The following CSRNP3 variants were observed in gnomAD, a reference collection of about 807,000 sequenced individuals.
The protein encoded by CSRNP3 is cysteine and serine rich nuclear protein 3, also known as cysteine/serine-rich nuclear protein 3.
CSRNP3 carries 12 observed loss-of-function variants against 48.0 expected under a neutral mutation model. That is an observed-to-expected ratio of 0.25 (90% confidence interval 0.16 to 0.41). The LOEUF (loss-of-function observed/expected upper bound fraction) is 0.41, where lower values mean the gene tolerates loss of function less well. Ranked by LOEUF, CSRNP3 falls within the 10% of genes least tolerant of loss-of-function variation. CSRNP3 has a pLI of 1.00. For missense variants in CSRNP3, 580 were observed against 724.4 expected, an observed-to-expected ratio of 0.80 and a Z score of 2.29; for synonymous variants, 263 against 269.7, an observed-to-expected ratio of 0.98 and a Z score of 0.24.
intron 6 of CSRNP3, 94 bp from the exon 7 acceptor site, chr2:165,678,607 G>A (rs1687468349): frequency 5.0e-6 from 7 of 1,411,024 alleles, no homozygotes; most frequent in Non-Finnish European, 6.7e-6. Flanking sequence ...TTAAGTGGAT[G>A]GATTACTTAA....
At chr2:165,646,793 C>A (rs1425998181) in intron 4 of CSRNP3, among the ~76,000 whole-genome samples, 1 of 152,042 alleles carries the variant, frequency 6.6e-6, no homozygotes, top group Non-Finnish European at 1.5e-5. Flanking sequence ...CCTTGGACTG[C>A]AGCCAGAACT....
At position 165,518,596 on chromosome 2, in the gene CSRNP3, T is replaced by A. The variant is rs368123666; in HGVS notation, c.-24+635T>A. ...ATAATAACAAATTAATGTACAATAT[T>A]CATTTAGAAGTTATAAATGTAGGTT... On this transcript the variant is annotated intron_variant, in intron 3 of 6. Transcript: ENST00000651982. Among the ~76,000 whole-genome samples the A allele has an allele frequency of 1.7e-4, 26 of 152,118 alleles. 1 individual carries two copies. In the East Asian group the frequency reaches 4.8e-3, roughly 28 times the overall value.
intron 4 of CSRNP3, among the ~76,000 whole-genome samples, chr2:165,636,562 A>C (rs1170884416): frequency 6.6e-6 from 1 of 152,204 alleles, no homozygotes; most frequent in Admixed American, 6.5e-5. Flanking sequence ...GGAACAAGTA[A>C]TCATTATTGC....
At chr2:165,548,652 G>A (rs972299547) in intron 3 of CSRNP3, among the ~76,000 whole-genome samples, 1 of 151,918 alleles carries the variant, frequency 6.6e-6, no homozygotes, top group African/African-American at 2.4e-5. Flanking sequence ...TCAAACAAAA[G>A]GAGTCTAAAT....
At position 165,677,415 on chromosome 2, in the gene CSRNP3, T is replaced by TG. The variant is rs562249555; in HGVS notation, c.705+809dup. ...GATGACTGGCAATCAGATAATTTCC[T>TG]GGTCCCCCTTCATTTATAATGTCAT... On this transcript the variant is annotated intron_variant, in intron 6 of 6. Transcript: ENST00000651982. Among the ~76,000 whole-genome samples, 511 of 152,316 alleles carry TG rather than the reference T, an allele frequency of 3.4e-3. 2 individuals are homozygous for TG. The highest frequency in any genetic ancestry group is 0.02 in the South Asian group (98 of 4,830).
intron 4 of CSRNP3, among the ~76,000 whole-genome samples, chr2:165,628,555 C>T (rs564017201): frequency 1.3e-5 from 2 of 152,150 alleles, no homozygotes; most frequent in South Asian, 4.2e-4. Context: ...GAAACCCCGT[C>T]TCTACTAAAA....
chr2:165,655,262 G>A (rs1411633089), intron 4 of CSRNP3, among the ~76,000 whole-genome samples: 2 of 152,154 alleles, frequency 1.3e-5, no homozygotes, highest in Non-Finnish European at 1.5e-5. Flanking sequence ...CCCTTAGTGT[G>A]GCCTCAGCTG....
At chr2:165,487,743 G>A (rs1471790912) in intron 1 of CSRNP3, among the ~76,000 whole-genome samples, 8 of 150,096 alleles carry the variant, frequency 5.3e-5, no homozygotes, top group Non-Finnish European at 8.8e-5. Context: ...ACAAGCAAAT[G>A]CTGAGAGATT....
chr2:165,676,718 T>G, intron 6 of CSRNP3, 110 bp downstream of exon 6: 1 of 904,218 alleles, frequency 1.1e-6, no homozygotes, highest in Non-Finnish European at 1.7e-6. Context: ...AGAAAATTTT[T>G]TGGCAAGGCA....
rs1384306710 is a variant in CSRNP3 at position 165,679,779 on chromosome 2, T to G, written c.*26T>G. The G allele has an allele frequency of 6.3e-7, 1 of 1,588,680 alleles. No individual in the cohort carries two copies. The highest frequency in any genetic ancestry group is 8.6e-7 in the Non-Finnish European group (1 of 1,165,918). On this transcript the variant is annotated 3_prime_UTR_variant, in exon 7 of 7. Transcript: ENST00000651982. The stretch of plus-strand genomic sequence containing the variant: ...TAGCTTAAATTATTCTAGGACCAAC[T>G]CTTCTCTTATTTAAGGCACTGTATT...
intron 3 of CSRNP3, among the ~76,000 whole-genome samples, chr2:165,544,088 G>T (rs1490576433): frequency 6.6e-6 from 1 of 151,926 alleles, no homozygotes; most frequent in Non-Finnish European, 1.5e-5. Context: ...GTTAGAAAGT[G>T]ATATGGAATA....
At position 165,679,965 on chromosome 2, in the gene CSRNP3, G is replaced by C. The variant is rs754493106; in HGVS notation, c.*212G>C. 200 of 654,876 alleles carry C rather than the reference G, an allele frequency of 3.1e-4. No individual in the cohort carries two copies. Among genetic ancestry groups the C allele is most frequent in the Middle Eastern group, 8.6e-4 (2 of 2,338 alleles). The allele number at this position is 654,876 out of a possible 1,614,324, so 40.6% of individuals were successfully genotyped here. A position where few individuals can be genotyped will look rare whatever the true frequency, so the allele number is the denominator to read the frequency against. On this transcript the variant is annotated 3_prime_UTR_variant, in exon 7 of 7. Transcript: ENST00000651982. ...TAGGGATTTTAAAAGATTTCAGACT[G>C]TTTTGATAGAAAAAGCTAAATTTTA... is the stretch of plus-strand genomic sequence containing the variant.
At chr2:165,580,156 C>T (rs1685519624) in intron 3 of CSRNP3, among the ~76,000 whole-genome samples, 1 of 152,040 alleles carries the variant, frequency 6.6e-6, no homozygotes, top group African/African-American at 2.4e-5. Flanking sequence ...TCTCGATCTC[C>T]TGACCTCGTG....
At position 165,541,301 on chromosome 2, in the gene CSRNP3, G is replaced by A. The variant is rs965419412; in HGVS notation, c.-24+23340G>A. On this transcript the variant is annotated intron_variant, in intron 3 of 6. Transcript: ENST00000651982. ...AATTCACATATTGGATATTATACAAGTTCATAAAGGAAAGACCCTTTTGTT... is the reference window on the plus strand; with the variant it reads ...AATTCACATATTGGATATTATACAAATTCATAAAGGAAAGACCCTTTTGTT... 2.6e-5 allele frequency among the ~76,000 whole-genome samples: 4 copies of A among 151,584 alleles called. No homozygotes were observed. The East Asian group carries it at 5.8e-4, about 22-fold the overall frequency.
chr2:165,658,156 G>A (rs1558964795), intron 5 of CSRNP3, 136 bp downstream of exon 5: 30 of 961,738 alleles, frequency 3.1e-5, no homozygotes, highest in Non-Finnish European at 4.4e-5. Context: ...TTTTTTTAAA[G>A]CAAAACGATA....
chr2:165,535,227 T>G (rs918977455), intron 3 of CSRNP3, among the ~76,000 whole-genome samples: 11 of 151,806 alleles, frequency 7.2e-5, no homozygotes. Flanking sequence ...AGATACATAT[T>G]TTTTGTAAAC....
At chr2:165,492,106 C>A (rs1026349109) in intron 1 of CSRNP3, among the ~76,000 whole-genome samples, 1 of 152,140 alleles carries the variant, frequency 6.6e-6, no homozygotes, top group Non-Finnish European at 1.5e-5. Flanking sequence ...CTATTGACCT[C>A]TTCAGCCCTG....
In CSRNP3 at chr2:165,482,116, T is replaced by C. The variant is rs557511019; in HGVS notation, c.-283+12376T>C. ...GAAAAAAATAAAATAAAATAGCTAC[T>C]ATTAGCCCCATTTGACAGGTAAGAA... On this transcript the variant is annotated intron_variant, in intron 1 of 6. Coordinates refer to ENST00000651982, the MANE Select transcript of CSRNP3 (RefSeq NM_001172173.2). Among the ~76,000 whole-genome samples, 526 of 152,186 alleles carry C rather than the reference T, an allele frequency of 3.5e-3. 3 individuals are homozygous for C. Among genetic ancestry groups the C allele is most frequent in the African/African-American group, 0.012 (503 of 41,524 alleles).
intron 2 of CSRNP3, among the ~76,000 whole-genome samples, chr2:165,506,335 C>T (rs1459261680): frequency 6.6e-6 from 1 of 152,104 alleles, no homozygotes; most frequent in Non-Finnish European, 1.5e-5. Flanking sequence ...CATGCCTACT[C>T]CCTTCCAGAT....
Sources: gnomAD v4.1 joint callset for allele counts (sites outside exome capture counted in the v4.1 genomes callset) on GRCh38, gnomAD v4.1.1 for gene constraint, MANE v1.5 for transcripts, NCBI Gene and HGNC (gene_info 2026-07-23, HGNC 2026-07-21) for gene names.